IL1RAPL2: variants seen among roughly 807,000 people sequenced by gnomAD.
The protein encoded by IL1RAPL2 is interleukin 1 receptor accessory protein like 2.
IL1RAPL2 carries 3 observed loss-of-function variants against 44.1 expected under a neutral mutation model. The ratio of observed to expected loss-of-function variants is 0.07; its 90% CI spans 0.03 to 0.18. The LOEUF (loss-of-function observed/expected upper bound fraction) is 0.18. Ranked by LOEUF, IL1RAPL2 falls within the 10% of genes least tolerant of loss-of-function variation. The pLI is 1.00. For missense variants in IL1RAPL2, 391 were observed against 496.4 expected (o/e 0.79, Z 2.02); for synonymous variants, 181 against 178.8 (o/e 1.01, Z -0.10).
intron 6 of IL1RAPL2, among the ~76,000 whole-genome samples, chrX:105,651,727 G>A (rs950884000): frequency 5.4e-5 from 6 of 111,414 alleles, no homozygotes; most frequent in African/African-American, 1.6e-4. Context: ...CTGCCTCACT[G>A]TTCTTCTATT....
chrX:105,607,808 GAGA>G (rs1387861666), intron 6 of IL1RAPL2, among the ~76,000 whole-genome samples: 1 of 110,221 alleles, frequency 9.1e-6, no homozygotes, highest in Non-Finnish European at 1.9e-5. Context: ...TTTGAGGGCA[GAGA>G]AGAAGATTGG....
intron 2 of IL1RAPL2, among the ~76,000 whole-genome samples, chrX:104,692,000 ACT>A (rs1025630365): frequency 9.0e-6 from 1 of 111,625 alleles, no homozygotes; most frequent in African/African-American, 3.3e-5. Context: ...GACCAGAGTC[ACT>A]CTGCAAGTTA....
chrX:105,766,877 A>G, intron 10 of IL1RAPL2, 87 bp from the exon 11 acceptor site: 1 of 600,447 alleles, frequency 1.7e-6, no homozygotes, highest in South Asian at 3.2e-5. Flanking sequence ...GAGAGACTGG[A>G]TCTTTGCTAT....
rs538832155 is a variant in IL1RAPL2, at chrX:105,270,392, T to A, written c.697+2851T>A. 8.5e-4 allele frequency among the ~76,000 whole-genome samples: 95 copies of A among 111,705 alleles called. No homozygotes were observed. In the South Asian group the frequency reaches 0.034, roughly 40 times the overall value. On this transcript the variant is annotated intron_variant, in intron 5 of 10. Coordinates refer to ENST00000372582, the MANE Select transcript of IL1RAPL2 (RefSeq NM_017416.2). ...GAGATCATGGTAACCAAGGAAAATG[T>A]GTCAAGGTAGTGTGTGGGTAAAAGC...
At chrX:105,696,101 G>T (rs1264845670) in intron 6 of IL1RAPL2, among the ~76,000 whole-genome samples, 1 of 112,248 alleles carries the variant, frequency 8.9e-6, no homozygotes, top group Non-Finnish European at 1.9e-5. Flanking sequence ...GTATGTACTA[G>T]GAATGTGCAA....
intron 2 of IL1RAPL2, among the ~76,000 whole-genome samples, chrX:105,050,747 A>T (rs1418734697): frequency 8.9e-6 from 1 of 112,343 alleles, no homozygotes; most frequent in Non-Finnish European, 1.9e-5. Flanking sequence ...AGAACAGCTC[A>T]GAGGAGACCT....
chrX:104,818,556 G>A, intron 2 of IL1RAPL2, among the ~76,000 whole-genome samples: 1 of 109,830 alleles, frequency 9.1e-6, no homozygotes, highest in Non-Finnish European at 1.9e-5. Context: ...TAAAGAAAAT[G>A]AATAGATATG....
intron 2 of IL1RAPL2, among the ~76,000 whole-genome samples, chrX:105,092,562 A>C (rs1036177009): frequency 4.5e-5 from 5 of 111,271 alleles, no homozygotes; most frequent in African/African-American, 1.6e-4. Context: ...CCTAGGCATG[A>C]CTGATCATTT....
At chrX:104,763,271 T>G (rs1932498036) in intron 2 of IL1RAPL2, among the ~76,000 whole-genome samples, 1 of 112,108 alleles carries the variant, frequency 8.9e-6, no homozygotes, top group Non-Finnish European at 1.9e-5. Context: ...CATCTCCATG[T>G]GAGACCACCT....
intron 2 of IL1RAPL2, among the ~76,000 whole-genome samples, chrX:105,171,534 C>G (rs956651755): frequency 9.0e-5 from 10 of 110,842 alleles, no homozygotes; most frequent in African/African-American, 3.3e-4. Context: ...GAAGGGCAGT[C>G]TTTTCCCCCT....
intron 2 of IL1RAPL2, among the ~76,000 whole-genome samples, chrX:105,042,343 A>G (rs1008218585): frequency 1.2e-4 from 13 of 110,804 alleles, no homozygotes; most frequent in African/African-American, 4.3e-4. Flanking sequence ...CAAAGGGCTA[A>G]TATCCAGAAT....
intron 6 of IL1RAPL2, among the ~76,000 whole-genome samples, chrX:105,636,150 G>A (rs1288425862): frequency 9.0e-6 from 1 of 110,878 alleles, no homozygotes; most frequent in Non-Finnish European, 1.9e-5. Context: ...GCAGAGAAAG[G>A]AGGAATAAGA....
chrX:105,030,129 T>A (rs1429120745), intron 2 of IL1RAPL2, among the ~76,000 whole-genome samples: 1 of 111,975 alleles, frequency 8.9e-6, no homozygotes, highest in African/African-American at 3.2e-5. Flanking sequence ...TTGTTCATTG[T>A]AGATTCTAGA....
At chrX:105,392,825 C>A (rs950951420) in intron 5 of IL1RAPL2, among the ~76,000 whole-genome samples, 1 of 112,495 alleles carries the variant, frequency 8.9e-6, no homozygotes, top group African/African-American at 3.2e-5. Flanking sequence ...TCTCCAGATT[C>A]TGACTTTGAT....
chrX:105,246,201 G>T (rs1044606295), intron 4 of IL1RAPL2, among the ~76,000 whole-genome samples: 1 of 112,508 alleles, frequency 8.9e-6, no homozygotes, highest in African/African-American at 3.2e-5. Context: ...TTTGTCTTGA[G>T]TAAAGGGCAG....
At chrX:104,876,718 TTTATTATTATTA>T (rs200283526) in intron 2 of IL1RAPL2, among the ~76,000 whole-genome samples, 1 of 93,406 alleles carries the variant, frequency 1.1e-5, no homozygotes, top group Non-Finnish European at 2.1e-5. Flanking sequence ...AACAATTTCT[TTTATTATTATTA>T]TTATTATTAT....
intron 2 of IL1RAPL2, among the ~76,000 whole-genome samples, chrX:105,113,750 C>T (rs2032824759): frequency 8.9e-6 from 1 of 111,887 alleles, no homozygotes; most frequent in South Asian, 3.8e-4. Flanking sequence ...GAAATGAAAA[C>T]CAACTAGATT....
intron 5 of IL1RAPL2, among the ~76,000 whole-genome samples, chrX:105,423,170 C>G (rs1278485498): frequency 9.0e-6 from 1 of 111,499 alleles, no homozygotes; most frequent in African/African-American, 3.3e-5. Context: ...AACTAAAAGC[C>G]ATTTCATATT....
chrX:104,619,980 G>T (rs1315127229), intron 1 of IL1RAPL2, among the ~76,000 whole-genome samples: 1 of 111,126 alleles, frequency 9.0e-6, no homozygotes, highest in African/African-American at 3.3e-5. Flanking sequence ...GGAAGTACTA[G>T]CATTCTAGGG....
Sources: gnomAD v4.1 joint callset for allele counts (sites outside exome capture counted in the v4.1 genomes callset) on GRCh38, gnomAD v4.1.1 for gene constraint, MANE v1.5 for transcripts, NCBI Gene and HGNC (gene_info 2026-07-23, HGNC 2026-07-21) for gene names.